The following MICB variants were observed in gnomAD, a reference collection of about 807,000 sequenced individuals.
The protein encoded by MICB is MHC class I antigen-related protein B.
A neutral mutation model predicts 34.3 loss-of-function variants in MICB; 27 were observed. The ratio of observed to expected loss-of-function variants is 0.79; its 90% CI spans 0.58 to 1.08. MICB has a LOEUF of 1.08. Ranked by LOEUF, MICB falls within the 50% of genes least tolerant of loss-of-function variation. The probability of loss-of-function intolerance (pLI) is 0.00; values close to 1 mark genes in which losing one functional copy is unlikely to be tolerated. For missense variants in MICB, 426 were observed against 483.1 expected, an observed-to-expected ratio of 0.88 and a Z score of 1.11; for synonymous variants, 153 against 187.4, an observed-to-expected ratio of 0.82 and a Z score of 1.50.
Position 31,506,414 on chromosome 6 carries a change from G to A in MICB, c.597G>A (p.Val199=), listed in dbSNP as rs559219699. 2.9e-5 allele frequency: 47 copies of A among 1,613,932 alleles called. No homozygotes were observed. The South Asian group carries it at 4.0e-4, about 14-fold the overall frequency. The change falls in exon 3 of 6, where the codon GTG becomes GTA. Residue 199 remains valine (V), a synonymous_variant. Transcript: ENST00000252229. ...QKLQRYLKSG[V]AIRRTVPPMV... ...TACAGCGATATCTGAAATCCGGGGT[G>A]GCCATCAGGAGAACAGGTACCGACC...
At chr6:31,496,131 G>A (rs1380554208), upstream of MICB, among the ~76,000 whole-genome samples, 3 of 152,172 alleles carry the variant, frequency 2.0e-5, no homozygotes, top group South Asian at 6.2e-4. Flanking sequence ...CTACGCAGTG[G>A]CTAGGTTTGA....
chr6:31,496,994 T>C (rs1435462023), upstream of MICB, among the ~76,000 whole-genome samples: 1 of 152,176 alleles, frequency 6.6e-6, no homozygotes, highest in Non-Finnish European at 1.5e-5. Flanking sequence ...GTGGGAGCTA[T>C]GGTTTCCATG....
chr6:31,505,938 G>T (rs1247873978), intron 2 of MICB, 67 bp downstream of exon 2: 1 of 1,519,112 alleles, frequency 6.6e-7, no homozygotes, highest in East Asian at 2.4e-5. Context: ...AGAGAGCAGG[G>T]ACCTGTCTCT....
At chr6:31,499,984 A>T (rs1582865850) in intron 1 of MICB, among the ~76,000 whole-genome samples, 1 of 81,082 alleles carries the variant, frequency 1.2e-5, no homozygotes, top group Non-Finnish European at 2.3e-5. Context: ...AAGTTCTCCC[A>T]CAGTCACTCC....
chr6:31,503,353 A>C (rs1765105000), intron 1 of MICB, among the ~76,000 whole-genome samples: 1 of 152,100 alleles, frequency 6.6e-6, no homozygotes, highest in African/African-American at 2.4e-5. Flanking sequence ...CATTACATAC[A>C]TTTTACTGTT....
At chr6:31,500,977 A>C (rs9267390) in intron 1 of MICB, among the ~76,000 whole-genome samples, 2 of 152,056 alleles carry the variant, frequency 1.3e-5, no homozygotes, top group Middle Eastern at 3.4e-3. Flanking sequence ...TGACAGCTCT[A>C]TTATATTTTT....
intron 2 of MICB, 127 bp downstream of exon 2, chr6:31,505,998 C>T (rs1237660215): frequency 4.7e-6 from 7 of 1,476,734 alleles, no homozygotes; most frequent in African/African-American, 1.4e-5. Context: ...GTCAGGGAGG[C>T]TCAGCAGGGT....
rs548148725 is a variant in MICB at position 31,499,059 on chromosome 6, T to A, written c.70+796T>A. 3.7e-4 allele frequency among the ~76,000 whole-genome samples: 56 copies of A among 151,098 alleles called. 1 individual carries two copies. The highest frequency in any genetic ancestry group is 1.3e-3 in the African/African-American group (54 of 40,458). The stretch of plus-strand genomic sequence containing the variant: ...GCTCCTGGGCCGCAGCTCCTGGAGT[T>A]GGGGCCCTCCTTTCTTGGGACCCGG... On this transcript the variant is annotated intron_variant, in intron 1 of 5. Transcript: ENST00000252229.
At chr6:31,497,675 T>C (rs1174247537), upstream of MICB, among the ~76,000 whole-genome samples, 2 of 152,166 alleles carry the variant, frequency 1.3e-5, no homozygotes, top group East Asian at 1.9e-4. Context: ...ACTGGTCTCA[T>C]TGCAGTAACG....
At chr6:31,500,084 C>A (rs2150280886) in intron 1 of MICB, among the ~76,000 whole-genome samples, 1 of 152,116 alleles carries the variant, frequency 6.6e-6, no homozygotes, top group Middle Eastern at 3.4e-3. Flanking sequence ...GCCAGCTGTT[C>A]CTTGACCTTC....
At chr6:31,503,321 C>T (rs948293097) in intron 1 of MICB, among the ~76,000 whole-genome samples, 4 of 152,122 alleles carry the variant, frequency 2.6e-5, no homozygotes, top group African/African-American at 7.2e-5. Flanking sequence ...GTTCTTTAAA[C>T]GTTTAATTGT....
Position 31,507,493 on chromosome 6 carries a change from C to T in MICB, c.986C>T (p.Pro329Leu). The change falls in exon 5 of 6, where the codon CCT becomes CTT. Residue 329 changes from proline (P) to leucine (L), a missense_variant. Coordinates refer to ENST00000252229, the MANE Select transcript of MICB (RefSeq NM_005931.5). The surrounding 1 kb of genome is among the most constrained non-coding windows in gnomAD (Gnocchi z 6.0). ...GTTATTATTATTATTCTCTGTGTCCCTTGTTGCAAGAAGAAAACATCAGCG... is the reference window on the plus strand; with the variant it reads ...GTTATTATTATTATTCTCTGTGTCCTTTGTTGCAAGAAGAAAACATCAGCG... Reference protein sequence around the residue: ...CFVIIIILCVPCCKKKTSAAE... With the variant: ...CFVIIIILCVLCCKKKTSAAE... 1 of 1,614,166 alleles carries T rather than the reference C, an allele frequency of 6.2e-7. No individual in the cohort carries two copies. The highest frequency in any genetic ancestry group is 2.2e-5 in the East Asian group (1 of 44,890).
At position 31,498,237 on chromosome 6, in the gene MICB, C is replaced by A; in HGVS notation, c.44C>A (p.Pro15His). ...RVLLFLAVAF[P>H]FAPPAAAAEP... ...CTGCTGTTTCTGGCCGTCGCCTTCCCTTTTGCACCCCCGGCAGCCGCCGCT... is the reference window on the plus strand; with the variant it reads ...CTGCTGTTTCTGGCCGTCGCCTTCCATTTTGCACCCCCGGCAGCCGCCGCT... Residue 15 changes from proline (P) to histidine (H), a missense_variant, in exon 1 of 6, where the codon CCT becomes CAT. Transcript: ENST00000252229. 3 of 1,583,038 alleles carry A rather than the reference C, an allele frequency of 1.9e-6. No homozygotes were observed. Among genetic ancestry groups the A allele is most frequent in the Non-Finnish European group, 2.6e-6 (3 of 1,162,884 alleles).
chr6:31,502,711 T>C (rs1405980828), intron 1 of MICB, among the ~76,000 whole-genome samples: 1 of 152,216 alleles, frequency 6.6e-6, no homozygotes. Context: ...GACTTCTTCT[T>C]TTCCAATTTT....
At chr6:31,504,461 A>G (rs1175778432) in intron 1 of MICB, among the ~76,000 whole-genome samples, 5 of 142,144 alleles carry the variant, frequency 3.5e-5, no homozygotes, top group African/African-American at 1.3e-4. Context: ...GGGTTTCACC[A>G]TGTTAGCCAG....
upstream of MICB, chr6:31,497,969 C>A (rs567457059): frequency 1.7e-4 from 56 of 325,574 alleles, 1 homozygote; most frequent in South Asian, 1.3e-3. Flanking sequence ...GCCGCCAGGT[C>A]CCGCCTTCTA....
rs369812963 is a variant in MICB, at chr6:31,505,678, G to A, written c.132G>A (p.Gly44=). The A allele has an allele frequency of 6.2e-7, 1 of 1,612,854 alleles. No individual in the cohort carries two copies. The highest frequency in any genetic ancestry group is 1.3e-5 in the African/African-American group (1 of 74,908). Residue 44 remains glycine (G), a synonymous_variant, in exon 2 of 6, where the codon GGG becomes GGA. Coordinates refer to ENST00000252229, the MANE Select transcript of MICB (RefSeq NM_005931.5). ...VLSQDGSVQS[G]FLAEGHLDGQ... ...CCCAGGATGGATCTGTGCAGTCAGG[G>A]TTTCTCGCTGAGGGACATCTGGATG...
Position 31,506,240 on chromosome 6 carries a change from C to G in MICB, c.423C>G (p.Leu141=). Residue 141 remains leucine (L), a synonymous_variant, in exon 3 of 6, where the codon CTC becomes CTG. Coordinates refer to ENST00000252229, the MANE Select transcript of MICB (RefSeq NM_005931.5). Reference sequence around the variant, plus strand: ...TCTACTACGATGGGGAGCTCTTCCTCTCCCAAAACCTGGAGACTCAAGAAT... The same window carrying G: ...TCTACTACGATGGGGAGCTCTTCCTGTCCCAAAACCTGGAGACTCAAGAAT... ...RHFYYDGELF[L]SQNLETQEST... 2 of 1,614,232 alleles carry G rather than the reference C, an allele frequency of 1.2e-6. No individual in the cohort carries two copies. Among genetic ancestry groups the G allele is most frequent in the Non-Finnish European group, 1.7e-6 (2 of 1,180,048 alleles).
chr6:31,506,269 C>G lies in MICB; in HGVS notation c.452C>G (p.Thr151Arg). 1.2e-6 allele frequency: 2 copies of G among 1,614,228 alleles called. No homozygotes were observed. Among genetic ancestry groups the G allele is most frequent in the Non-Finnish European group, 1.7e-6 (2 of 1,180,044 alleles). ...CAAAACCTGGAGACTCAAGAATCGA[C>G]AGTGCCCCAGTCCTCCAGAGCTCAG... ...LSQNLETQESTVPQSSRAQTL... is the reference protein window; with the variant it reads ...LSQNLETQESRVPQSSRAQTL... The change falls in exon 3 of 6, where the codon ACA (threonine) becomes AGA (arginine). Residue 151 changes from threonine to arginine, a missense_variant. Thr to Arg is a moderately conservative substitution (Grantham distance 71). Transcript: ENST00000252229.
Sources: gnomAD v4.1 joint callset for allele counts (sites outside exome capture counted in the v4.1 genomes callset) on GRCh38, gnomAD v4.1.1 for gene constraint, Gnocchi (gnomAD v3.1) non-coding constraint, MANE v1.5 for transcripts, NCBI Gene and HGNC (gene_info 2026-07-23, HGNC 2026-07-21) for gene names.